TM9SF3: variants seen among roughly 807,000 people sequenced by gnomAD.
The protein encoded by TM9SF3 is transmembrane 9 superfamily member 3, also known as SM-11044-binding protein.
In TM9SF3, 14 loss-of-function variants were observed where a neutral mutation model predicts 78.6. The observed-to-expected ratio is 0.18, with a 90% CI of 0.12 to 0.28. The LOEUF (loss-of-function observed/expected upper bound fraction) is 0.28. Ranked by LOEUF, TM9SF3 falls within the 10% of genes least tolerant of loss-of-function variation. The pLI, the probability that TM9SF3 is intolerant of heterozygous loss-of-function variation, is 1.00. For missense variants in TM9SF3, 496 were observed against 721.9 expected, an observed-to-expected ratio of 0.69 and a Z score of 3.59; for synonymous variants, 231 against 241.7, an observed-to-expected ratio of 0.96 and a Z score of 0.41.
At chr10:96,583,947 T>C (rs533948137) in intron 1 of TM9SF3, among the ~76,000 whole-genome samples, 4 of 152,002 alleles carry the variant, frequency 2.6e-5, no homozygotes, top group African/African-American at 9.6e-5. Context: ...GGCAGGAGAA[T>C]TGCTTGAACC....
chr10:96,555,516 G>A (rs1196002057), intron 5 of TM9SF3, among the ~76,000 whole-genome samples: 3 of 152,158 alleles, frequency 2.0e-5, no homozygotes, highest in African/African-American at 7.2e-5. Context: ...TAGGACATAT[G>A]TTAACTTGGG....
chr10:96,584,355 T>C (rs1329354770), intron 1 of TM9SF3, among the ~76,000 whole-genome samples: 2 of 152,232 alleles, frequency 1.3e-5, no homozygotes, highest in Admixed American at 1.3e-4. Context: ...CTAAGAGGAA[T>C]AGGAATGCCT....
intron 9 of TM9SF3, among the ~76,000 whole-genome samples, chr10:96,538,517 A>T (rs1218925870): frequency 6.6e-6 from 1 of 152,212 alleles, no homozygotes; most frequent in African/African-American, 2.4e-5. Context: ...AAAGCATAAA[A>T]GAAAAAATAT....
chr10:96,525,134 A>G (rs1039068822), intron 14 of TM9SF3, among the ~76,000 whole-genome samples: 2 of 152,038 alleles, frequency 1.3e-5, no homozygotes, highest in African/African-American at 4.8e-5. Flanking sequence ...AATCGATTCT[A>G]TACCTCACTG....
intron 9 of TM9SF3, among the ~76,000 whole-genome samples, chr10:96,536,153 G>A (rs1170540857): frequency 6.6e-6 from 1 of 151,302 alleles, no homozygotes; most frequent in Non-Finnish European, 1.5e-5. Context: ...CAAATAGAAG[G>A]GAACTTTAAC....
chr10:96,526,457 A>G (rs1847839303), intron 14 of TM9SF3, among the ~76,000 whole-genome samples: 1 of 152,168 alleles, frequency 6.6e-6, no homozygotes, highest in African/African-American at 2.4e-5. Flanking sequence ...TCAGGCTCTC[A>G]TGCTTATGCC....
chr10:96,549,816 T>A lies in TM9SF3; in HGVS notation c.959+1429A>T, dbSNP rs28488089. Among the ~76,000 whole-genome samples, 440 of 121,810 alleles carry A rather than the reference T, an allele frequency of 3.6e-3. 50 individuals are homozygous for A. The highest frequency in any genetic ancestry group is 0.033 in the Middle Eastern group (8 of 242). The allele number at this position is 121,810 out of a possible 152,430, so 79.9% of individuals were successfully genotyped here. On this transcript the variant is annotated intron_variant, in intron 7 of 14. Coordinates refer to ENST00000371142, the MANE Select transcript of TM9SF3 (RefSeq NM_020123.4). ...CTTTAAGTAGAAGAGCTTCTGCATT[T>A]TAAAAAAAAAAAAAAAAAAAGAGCT...
intron 7 of TM9SF3, 34 bp from the exon 8 acceptor site, chr10:96,548,023 C>T: frequency 6.9e-7 from 1 of 1,440,646 alleles, no homozygotes; most frequent in Non-Finnish European, 9.5e-7. Flanking sequence ...AAAATTAAAA[C>T]CAACAATTTA....
chr10:96,539,288 T>C (rs1847995320), intron 9 of TM9SF3, among the ~76,000 whole-genome samples: 1 of 99,296 alleles, frequency 1.0e-5, no homozygotes, highest in East Asian at 2.7e-4. Context: ...CTGGCCAACA[T>C]GGTGAAACTG....
At chr10:96,583,074 T>C (rs1365122228) in intron 1 of TM9SF3, among the ~76,000 whole-genome samples, 3 of 99,344 alleles carry the variant, frequency 3.0e-5, no homozygotes, top group Non-Finnish European at 2.0e-5. Context: ...GAGTGAAACA[T>C]AGTCTCAAAA....
intron 9 of TM9SF3, among the ~76,000 whole-genome samples, chr10:96,533,662 G>A (rs2134132805): frequency 6.6e-6 from 1 of 152,280 alleles, no homozygotes; most frequent in South Asian, 2.1e-4. Flanking sequence ...TAATTGCATA[G>A]CTAGTGGAGA....
intron 3 of TM9SF3, among the ~76,000 whole-genome samples, chr10:96,562,955 A>G (rs1299644346): frequency 6.6e-6 from 1 of 152,240 alleles, no homozygotes; most frequent in Non-Finnish European, 1.5e-5. Context: ...AGTATTAGGG[A>G]AAAATATAAT....
rs980565056 is a variant in TM9SF3, at chr10:96,586,853, C to T, written c.-18G>A. The T allele has an allele frequency of 6.0e-4, 726 of 1,203,514 alleles. 2 individuals are homozygous for T. The highest frequency in any genetic ancestry group is 8.6e-4 in the Admixed American group (19 of 22,140). 74.6% of individuals were successfully genotyped at this position (1,203,514 alleles called of 1,614,324 possible). On this transcript the variant is annotated 5_prime_UTR_variant, in exon 1 of 15. Coordinates refer to ENST00000371142, the MANE Select transcript of TM9SF3 (RefSeq NM_020123.4). ...GGCCTCATCCTCCGCGCCCCTCCGG[C>T]CCGGAGCCGGCTCACCGACTCCTCC...
At chr10:96,579,213 A>C (rs1383473254) in intron 1 of TM9SF3, among the ~76,000 whole-genome samples, 1 of 152,212 alleles carries the variant, frequency 6.6e-6, no homozygotes, top group Non-Finnish European at 1.5e-5. Flanking sequence ...ACTGCTATGT[A>C]CCCTGACTGT....
At chr10:96,541,836 G>T (rs1024171066) in intron 9 of TM9SF3, among the ~76,000 whole-genome samples, 3 of 152,214 alleles carry the variant, frequency 2.0e-5, no homozygotes, top group Non-Finnish European at 2.9e-5. Context: ...TCAAATTAAG[G>T]TATTCAGTTA....
intron 1 of TM9SF3, among the ~76,000 whole-genome samples, chr10:96,579,184 G>A (rs1023322217): frequency 5.9e-5 from 9 of 152,190 alleles, no homozygotes; most frequent in Non-Finnish European, 1.0e-4. Context: ...GGTAAAAGAA[G>A]TTTGAAGTAT....
At chr10:96,557,164 A>G (rs141836877) in intron 5 of TM9SF3, among the ~76,000 whole-genome samples, 1,965 of 152,234 alleles carry the variant, frequency 0.013, 31 homozygotes, top group Non-Finnish European at 0.016. Flanking sequence ...CAAAATTTGT[A>G]TCTCTAGCCC....
Position 96,562,090 on chromosome 10 carries a change from G to A in TM9SF3, c.470C>T (p.Thr157Ile), listed in dbSNP as rs1242345594. 31 of 1,612,600 alleles carry A rather than the reference G, an allele frequency of 1.9e-5. No individual in the cohort carries two copies. The highest frequency in any genetic ancestry group is 2.5e-5 in the Non-Finnish European group (30 of 1,179,526). Residue 157 changes from threonine (T) to isoleucine (I), a missense_variant, in exon 4 of 15, where the codon ACC (threonine) becomes ATC (isoleucine). Coordinates refer to ENST00000371142, the MANE Select transcript of TM9SF3 (RefSeq NM_020123.4). ...AAAACCTATTTCAAGTTTTTTATAG[G>A]TCCAAAGATAGTAATCTTCTCCATT... The part of the protein sequence containing the change: ...DENGEDYYLW[T>I]YKKLEIGFNG...
chr10:96,578,262 G>A (rs536124405), intron 1 of TM9SF3, among the ~76,000 whole-genome samples: 3 of 152,274 alleles, frequency 2.0e-5, no homozygotes, highest in East Asian at 3.9e-4. Context: ...ACATGTGACA[G>A]GTACCAAGTA....
Sources: gnomAD v4.1 joint callset for allele counts (sites outside exome capture counted in the v4.1 genomes callset) on GRCh38, gnomAD v4.1.1 for gene constraint, MANE v1.5 for transcripts, NCBI Gene and HGNC (gene_info 2026-07-23, HGNC 2026-07-21) for gene names.